The following WDR70 variants were observed in gnomAD, a reference collection of about 807,000 sequenced individuals.
WDR70 encodes WD repeat-containing protein 70.
Under a neutral mutation model 88.6 loss-of-function variants are expected in WDR70, and 53 were observed. That is an observed-to-expected ratio of 0.60 (90% CI 0.48 to 0.75). WDR70 has a LOEUF of 0.75. WDR70 is among the 30% of genes least tolerant of loss of function. The pLI is 0.00. For missense variants in WDR70, 610 were observed against 823.2 expected (o/e 0.74, Z 3.17); for synonymous variants, 280 against 270.0 (o/e 1.04, Z -0.36).
chr5:37,686,205 C>T (rs1429676918), intron 10 of WDR70, among the ~76,000 whole-genome samples: 1 of 150,482 alleles, frequency 6.6e-6, no homozygotes, highest in Admixed American at 6.7e-5. Context: ...AGTCACAGTA[C>T]TTGGGAGGCT....
At chr5:37,571,928 G>A (rs548336160) in intron 9 of WDR70, among the ~76,000 whole-genome samples, 4 of 152,020 alleles carry the variant, frequency 2.6e-5, no homozygotes, top group Non-Finnish European at 5.9e-5. Context: ...AAGCTGAGGG[G>A]TATTAAGATC....
At chr5:37,727,785 A>G (rs921593689) in intron 17 of WDR70, among the ~76,000 whole-genome samples, 15 of 152,112 alleles carry the variant, frequency 9.9e-5, no homozygotes, top group African/African-American at 3.6e-4. Flanking sequence ...TCTGTTGCCC[A>G]GGCTGGTCTT....
chr5:37,506,696 A>G, intron 8 of WDR70: 2 of 804,324 alleles, frequency 2.5e-6, no homozygotes, highest in Admixed American at 3.4e-5. Flanking sequence ...CCCTGATCAA[A>G]GCAATATCAT....
intron 8 of WDR70, among the ~76,000 whole-genome samples, chr5:37,492,069 C>G (rs888094643): frequency 6.6e-6 from 1 of 152,182 alleles, no homozygotes; most frequent in African/African-American, 2.4e-5. Flanking sequence ...CTTCATTCAA[C>G]AGGGAAGTCA....
chr5:37,447,875 A>C (rs558796985), intron 7 of WDR70, among the ~76,000 whole-genome samples: 1 of 152,328 alleles, frequency 6.6e-6, no homozygotes, highest in South Asian at 2.1e-4. Context: ...AACATGGCAC[A>C]TGTATACATA....
chr5:37,382,884 G>A (rs1469279944), intron 3 of WDR70, among the ~76,000 whole-genome samples: 2 of 151,936 alleles, frequency 1.3e-5, no homozygotes, highest in Non-Finnish European at 2.9e-5. Context: ...GTGGTGTTGG[G>A]CCCCTGTAAT....
At chr5:37,530,632 G>C (rs1468608611) in intron 9 of WDR70, among the ~76,000 whole-genome samples, 1 of 151,722 alleles carries the variant, frequency 6.6e-6, no homozygotes, top group Non-Finnish European at 1.5e-5. Flanking sequence ...TTGTATTTTT[G>C]TGGTGTCAGT....
Position 37,638,718 on chromosome 5 carries a change from A to T in WDR70, c.1092+33480A>T, listed in dbSNP as rs546926817. 7.2e-5 allele frequency among the ~76,000 whole-genome samples: 11 copies of T among 152,344 alleles called. No individual in the cohort carries two copies. In the South Asian group the frequency reaches 2.1e-3, roughly 29 times the overall value. On this transcript the variant is annotated intron_variant, in intron 10 of 17. Coordinates refer to ENST00000265107, the MANE Select transcript of WDR70 (RefSeq NM_018034.4). ...AAAGTTCACATTGATCTGAGATCAG[A>T]GATCAGATTTTGTTAATTGGTATAT...
At chr5:37,572,125 A>G (rs1247662751) in intron 9 of WDR70, among the ~76,000 whole-genome samples, 2 of 152,150 alleles carry the variant, frequency 1.3e-5, no homozygotes, top group Non-Finnish European at 2.9e-5. Flanking sequence ...AATTATATAT[A>G]AAGGGAAAGA....
intron 10 of WDR70, among the ~76,000 whole-genome samples, chr5:37,672,795 T>C (rs1746069007): frequency 6.6e-6 from 1 of 152,126 alleles, no homozygotes; most frequent in African/African-American, 2.4e-5. Flanking sequence ...CTGTTCTTGC[T>C]CTGTACTTTG....
intron 10 of WDR70, among the ~76,000 whole-genome samples, chr5:37,689,962 G>A (rs932145659): frequency 2.6e-5 from 4 of 152,094 alleles, no homozygotes; most frequent in Admixed American, 6.5e-5. Context: ...TAAAAACCTC[G>A]AAAAAAGGTT....
chr5:37,746,967 A>C (rs372289551), intron 17 of WDR70, among the ~76,000 whole-genome samples: 4 of 152,300 alleles, frequency 2.6e-5, no homozygotes, highest in South Asian at 2.1e-4. Context: ...AACACACACA[A>C]AAAAGAAAAC....
intron 5 of WDR70, among the ~76,000 whole-genome samples, chr5:37,434,971 G>A (rs1260045837): frequency 6.6e-6 from 1 of 152,208 alleles, no homozygotes; most frequent in African/African-American, 2.4e-5. Flanking sequence ...TCACCATCAA[G>A]TGATATGCTA....
At position 37,676,412 on chromosome 5, in the gene WDR70, A is replaced by G. The variant is rs147672151; in HGVS notation, c.1093-21243A>G. On this transcript the variant is annotated intron_variant, in intron 10 of 17. Transcript: ENST00000265107. ...TTATTATTTTGAAATACGTCCCATA[A>G]ATACCTAATTTCTTGAGAGTTTTTA... Among the ~76,000 whole-genome samples the G allele has an allele frequency of 2.0e-3, 304 of 152,244 alleles. 2 individuals carry two copies. Among genetic ancestry groups the G allele is most frequent in the African/African-American group, 6.9e-3 (288 of 41,492 alleles).
chr5:37,529,573 T>TA (rs1741417212), intron 9 of WDR70, among the ~76,000 whole-genome samples: 1 of 152,122 alleles, frequency 6.6e-6, no homozygotes, highest in African/African-American at 2.4e-5. Context: ...TTTATTTATT[T>TA]TTTTTTGCAG....
chr5:37,558,495 AT>A (rs547623259), intron 9 of WDR70, among the ~76,000 whole-genome samples: 103 of 145,190 alleles, frequency 7.1e-4, no homozygotes, highest in Non-Finnish European at 6.7e-4. Context: ...TTAAAAAAAA[AT>A]TTTTTTTTTT....
At chr5:37,486,494 A>C (rs906902773) in intron 8 of WDR70, among the ~76,000 whole-genome samples, 34 of 89,634 alleles carry the variant, frequency 3.8e-4, no homozygotes, top group South Asian at 8.8e-4. Context: ...CAGGCGCCCG[A>C]CACCCACGCT....
chr5:37,529,107 G>T (rs1348855572), intron 9 of WDR70, among the ~76,000 whole-genome samples: 1 of 151,844 alleles, frequency 6.6e-6, no homozygotes, highest in African/African-American at 2.4e-5. Context: ...GTTTTTGTTT[G>T]CTTTGTCAAA....
At chr5:37,448,610 G>A (rs1288959589) in intron 7 of WDR70, among the ~76,000 whole-genome samples, 1 of 152,166 alleles carries the variant, frequency 6.6e-6, no homozygotes, top group Non-Finnish European at 1.5e-5. Flanking sequence ...TACAAAGATA[G>A]TACAGAGTTT....
Sources: gnomAD v4.1 joint callset for allele counts (sites outside exome capture counted in the v4.1 genomes callset) on GRCh38, gnomAD v4.1.1 for gene constraint, MANE v1.5 for transcripts, NCBI Gene and HGNC (gene_info 2026-07-23, HGNC 2026-07-21) for gene names.